RPTOR: variants seen among roughly 807,000 people sequenced by gnomAD.
RPTOR encodes regulatory-associated protein of mTOR.
In RPTOR, 21 loss-of-function variants were observed where a neutral mutation model predicts 169.9. The ratio of observed to expected loss-of-function variants is 0.12; its 90% CI spans 0.09 to 0.18. The LOEUF (loss-of-function observed/expected upper bound fraction) is 0.18. Among genes scored for constraint, RPTOR ranks in the 10% least tolerant of loss-of-function variants. RPTOR has a pLI of 1.00. For missense variants in RPTOR, 1,133 were observed against 1,855.9 expected, an observed-to-expected ratio of 0.61 and a Z score of 7.16; for synonymous variants, 732 against 753.2, an observed-to-expected ratio of 0.97 and a Z score of 0.46.
chr17:80,705,506 C>T (rs2066135885), intron 3 of RPTOR, among the ~76,000 whole-genome samples: 4 of 152,128 alleles, frequency 2.6e-5, no homozygotes, highest in African/African-American at 9.7e-5. Context: ...TTCCAAAGTA[C>T]AAGGTCTAGA....
chr17:80,657,743 G>A (rs1465381956), intron 3 of RPTOR, among the ~76,000 whole-genome samples: 1 of 152,106 alleles, frequency 6.6e-6, no homozygotes, highest in Non-Finnish European at 1.5e-5. Context: ...CTGGATAGGG[G>A]AGTTTTTAAT....
intron 1 of RPTOR, among the ~76,000 whole-genome samples, chr17:80,597,607 A>G (rs1408934788): frequency 6.6e-6 from 1 of 151,884 alleles, no homozygotes; most frequent in Non-Finnish European, 1.5e-5. Flanking sequence ...GCTCACTGCA[A>G]CCTCTGGCTC....
At chr17:80,743,209 C>T (rs1230988703) in intron 5 of RPTOR, 2 of 981,896 alleles carry the variant, frequency 2.0e-6, no homozygotes, top group African/African-American at 1.8e-5. Context: ...TTAGCCAAGG[C>T]TCTCTCTCTT....
At chr17:80,890,043 G>A (rs553806841) in intron 17 of RPTOR, among the ~76,000 whole-genome samples, 30 of 150,498 alleles carry the variant, frequency 2.0e-4, no homozygotes, top group Non-Finnish European at 4.0e-4. Flanking sequence ...GAGTGAGGGA[G>A]GCCCCTGTAT....
At chr17:80,892,990 TCCCATCTG>T (rs1241594794) in intron 19 of RPTOR, 121 bp downstream of exon 19, 11 of 1,203,008 alleles carry the variant, frequency 9.1e-6, no homozygotes, top group Non-Finnish European at 1.3e-5. Context: ...TGCCCTGAAG[TCCCATCTG>T]CCAACATGGT....
intron 28 of RPTOR, among the ~76,000 whole-genome samples, chr17:80,953,805 G>GTTTCT (rs2069213010): frequency 6.6e-6 from 1 of 152,186 alleles, no homozygotes; most frequent in African/African-American, 2.4e-5. Context: ...GGGCAGAAAC[G>GTTTCT]GGGAAGTATG....
Position 80,707,756 on chromosome 17 carries a change from C to A in RPTOR, c.349-85C>A. On this transcript the variant is annotated intron_variant, in intron 3 of 33. Coordinates refer to ENST00000306801, the MANE Select transcript of RPTOR (RefSeq NM_020761.3). This position sits in a 1 kb window ranked among gnomAD's most constrained non-coding sequence, Gnocchi z 5.0. ...TCCAGGACCACACAGCTATTAACTG[C>A]AAACCCAGAGGAAAGGGTAGGGGAT... 4 of 1,374,628 alleles carry A rather than the reference C, an allele frequency of 2.9e-6. No individual in the cohort carries two copies. Among genetic ancestry groups the A allele is most frequent in the South Asian group, 1.4e-5 (1 of 73,136 alleles). 85.2% of individuals were successfully genotyped at this position (1,374,628 alleles called of 1,614,324 possible).
intron 3 of RPTOR, among the ~76,000 whole-genome samples, chr17:80,702,163 C>T (rs80122667): frequency 0.025 from 3,812 of 152,178 alleles, 171 homozygotes; most frequent in African/African-American, 0.088. Context: ...GACAAGAGCC[C>T]GTCACTGAGA....
intron 3 of RPTOR, among the ~76,000 whole-genome samples, chr17:80,701,853 G>A (rs2066103489): frequency 6.6e-6 from 1 of 152,122 alleles, no homozygotes; most frequent in South Asian, 2.1e-4. Flanking sequence ...TTTGTCAAAG[G>A]GGAAGACCCA....
chr17:80,743,212 T>G lies in RPTOR; in HGVS notation c.655-10798T>G, dbSNP rs533371308. 134 of 982,756 alleles carry G rather than the reference T, an allele frequency of 1.4e-4. No homozygotes were observed. In the African/African-American group the frequency reaches 2.3e-3, roughly 17 times the overall value. 60.9% of individuals were successfully genotyped at this position (982,756 alleles called of 1,614,324 possible). ...TCTCTCCTGAAATTAGCCAAGGCTC[T>G]CTCTCTTATGACTCAGTTCATTAGA... On this transcript the variant is annotated intron_variant, in intron 5 of 33. Transcript: ENST00000306801.
At chr17:80,922,259 A>T (rs2068754504) in intron 21 of RPTOR, among the ~76,000 whole-genome samples, 1 of 152,212 alleles carries the variant, frequency 6.6e-6, no homozygotes, top group Non-Finnish European at 1.5e-5. Context: ...CCCGGGCCTC[A>T]ACTCGCAGCC....
At chr17:80,671,673 TGGA>T (rs2143682600) in intron 3 of RPTOR, among the ~76,000 whole-genome samples, 1 of 152,344 alleles carries the variant, frequency 6.6e-6, no homozygotes, top group African/African-American at 2.4e-5. Context: ...TGGGGCTTAC[TGGA>T]GAAGTGAGCA....
At chr17:80,865,630 C>T (rs2067980274) in intron 13 of RPTOR, among the ~76,000 whole-genome samples, 1 of 152,062 alleles carries the variant, frequency 6.6e-6, no homozygotes, top group Non-Finnish European at 1.5e-5. Flanking sequence ...GTCTATTCAC[C>T]TAATAATAGA....
At chr17:80,606,986 A>G (rs1351570499) in intron 1 of RPTOR, among the ~76,000 whole-genome samples, 1 of 152,208 alleles carries the variant, frequency 6.6e-6, no homozygotes, top group Non-Finnish European at 1.5e-5. Context: ...AGAAAAATGA[A>G]TCTACAGTAG....
intron 9 of RPTOR, among the ~76,000 whole-genome samples, chr17:80,829,592 G>C (rs898688262): frequency 6.6e-6 from 1 of 152,196 alleles, no homozygotes; most frequent in Non-Finnish European, 1.5e-5. Context: ...AGGGACAGAG[G>C]CTTCAGTGAA....
At chr17:80,604,782 C>A (rs1462138732) in intron 1 of RPTOR, among the ~76,000 whole-genome samples, 2 of 152,186 alleles carry the variant, frequency 1.3e-5, no homozygotes, top group African/African-American at 4.8e-5. Flanking sequence ...TCTTGTGAGA[C>A]TTATTCACCA....
chr17:80,907,795 G>A (rs976115802), intron 20 of RPTOR, among the ~76,000 whole-genome samples: 5 of 152,084 alleles, frequency 3.3e-5, no homozygotes, highest in Admixed American at 6.5e-5. Context: ...ACCCCCTCTC[G>A]CTCCACCCCT....
At chr17:80,727,976 C>T (rs1014795300) in intron 4 of RPTOR, among the ~76,000 whole-genome samples, 1 of 152,194 alleles carries the variant, frequency 6.6e-6, no homozygotes, top group Non-Finnish European at 1.5e-5. Context: ...TTTTATCCTG[C>T]TTTCCACTTT....
At chr17:80,867,290 A>G (rs1296575318) in intron 13 of RPTOR, among the ~76,000 whole-genome samples, 1 of 152,144 alleles carries the variant, frequency 6.6e-6, no homozygotes, top group Non-Finnish European at 1.5e-5. Flanking sequence ...TTAAAAAAAG[A>G]TGAAAACCAT....
Sources: gnomAD v4.1 joint callset for allele counts (sites outside exome capture counted in the v4.1 genomes callset) on GRCh38, gnomAD v4.1.1 for gene constraint, Gnocchi (gnomAD v3.1) non-coding constraint, MANE v1.5 for transcripts, NCBI Gene and HGNC (gene_info 2026-07-23, HGNC 2026-07-21) for gene names.